LRRC8C: variants seen among roughly 807,000 people sequenced by gnomAD.
LRRC8C encodes leucine rich repeat containing 8 VRAC subunit C.
In LRRC8C, 20 loss-of-function variants were observed where a neutral mutation model predicts 55.3. The ratio of observed to expected loss-of-function variants is 0.36; its 90% CI spans 0.25 to 0.53. The LOEUF (loss-of-function observed/expected upper bound fraction) is 0.53. Ranked by LOEUF, LRRC8C falls within the 20% of genes least tolerant of loss-of-function variation. The probability of loss-of-function intolerance (pLI) is 0.92; values close to 1 mark genes in which losing one functional copy is unlikely to be tolerated. For synonymous variants in LRRC8C, 376 were observed against 360.7 expected, an observed-to-expected ratio of 1.04 and a Z score of -0.48; for missense variants, 659 against 951.4, an observed-to-expected ratio of 0.69 and a Z score of 4.04.
intron 1 of LRRC8C, among the ~76,000 whole-genome samples, chr1:89,638,417 C>G (rs1228766936): frequency 6.6e-6 from 1 of 151,978 alleles, no homozygotes; most frequent in Non-Finnish European, 1.5e-5. Context: ...GATCACAAAC[C>G]ATTATTTAAG....
At chr1:89,674,672 A>G (rs551010445) in intron 1 of LRRC8C, among the ~76,000 whole-genome samples, 174 of 152,282 alleles carry the variant, frequency 1.1e-3, no homozygotes, top group Non-Finnish European at 2.2e-3. Context: ...ATCCAACAGG[A>G]AAGACCAATC....
chr1:89,647,974 C>T (rs61798867), intron 1 of LRRC8C, among the ~76,000 whole-genome samples: 2,422 of 152,132 alleles, frequency 0.016, 28 homozygotes, highest in Non-Finnish European at 0.025. Context: ...GAGGCTGAGG[C>T]GGGAGGATGG....
chr1:89,684,724 G>A (rs1220871463), intron 1 of LRRC8C, among the ~76,000 whole-genome samples: 1 of 152,210 alleles, frequency 6.6e-6, no homozygotes, highest in African/African-American at 2.4e-5. Context: ...AATATACAAA[G>A]TAATGTATTG....
intron 2 of LRRC8C, among the ~76,000 whole-genome samples, chr1:89,699,751 AT>A (rs1658268664): frequency 6.6e-6 from 1 of 152,188 alleles, no homozygotes; most frequent in African/African-American, 2.4e-5. Flanking sequence ...AAATATGCTT[AT>A]AGTCAACATA....
At chr1:89,627,940 T>C in the LRRC8C span, among the ~76,000 whole-genome samples, 2 of 152,218 alleles carry the variant, frequency 1.3e-5, no homozygotes, top group African/African-American at 4.8e-5. Flanking sequence ...TTTTAGACTT[T>C]TGAATTTGGT....
chr1:89,660,869 G>A (rs1181304677), intron 1 of LRRC8C, among the ~76,000 whole-genome samples: 1 of 152,156 alleles, frequency 6.6e-6, no homozygotes, highest in Non-Finnish European at 1.5e-5. Context: ...TTAACAATGG[G>A]TTGTTTCTTC....
intron 1 of LRRC8C, among the ~76,000 whole-genome samples, chr1:89,655,481 A>G (rs1159103074): frequency 6.6e-6 from 1 of 152,178 alleles, no homozygotes; most frequent in Non-Finnish European, 1.5e-5. Context: ...GTGTCTTCAA[A>G]TGTCTTAGTT....
chr1:89,627,829 C>T, the LRRC8C span, among the ~76,000 whole-genome samples: 1 of 152,148 alleles, frequency 6.6e-6, no homozygotes, highest in Admixed American at 6.5e-5. Context: ...ATAAATGAGA[C>T]AATGCATATA....
At chr1:89,677,142 T>C (rs1458064346) in intron 1 of LRRC8C, among the ~76,000 whole-genome samples, 1 of 152,208 alleles carries the variant, frequency 6.6e-6, no homozygotes, top group Non-Finnish European at 1.5e-5. Flanking sequence ...ATATCGTCAT[T>C]GTTTGAGAGA....
intron 1 of LRRC8C, among the ~76,000 whole-genome samples, chr1:89,671,492 C>A (rs1570712474): frequency 6.6e-6 from 1 of 152,188 alleles, no homozygotes; most frequent in East Asian, 1.9e-4. Context: ...GGCTGACACA[C>A]ATTTGGATAA....
chr1:89,617,430 C>T, the LRRC8C span, among the ~76,000 whole-genome samples: 225 of 152,304 alleles, frequency 1.5e-3, 2 homozygotes, highest in African/African-American at 5.1e-3. Context: ...TAGCATGAGG[C>T]TATCCTAACA....
chr1:89,641,243 T>G (rs187005148), intron 1 of LRRC8C, among the ~76,000 whole-genome samples: 2 of 152,340 alleles, frequency 1.3e-5, no homozygotes, highest in Non-Finnish European at 1.5e-5. Context: ...GTGTTAAAAT[T>G]TTATTTGTCT....
chr1:89,633,873 G>C (rs1219638102), intron 1 of LRRC8C, among the ~76,000 whole-genome samples: 1 of 152,164 alleles, frequency 6.6e-6, no homozygotes, highest in Non-Finnish European at 1.5e-5. Context: ...CAGCTTGATC[G>C]GGCGGGCCCC....
rs561657603 is a variant in LRRC8C, at chr1:89,642,663, G to T, written c.-5+9341G>T. On this transcript the variant is annotated intron_variant, in intron 1 of 2. Transcript: ENST00000370454. ...AGGAGTTCAAGACCAGCCTGCCCAA[G>T]ATAGTGAAACTCCATCTCTACTAAA... Among the ~76,000 whole-genome samples the T allele has an allele frequency of 7.9e-5, 12 of 152,180 alleles. No individual in the cohort carries two copies. In the East Asian group the frequency reaches 2.1e-3, roughly 27 times the overall value.
intron 2 of LRRC8C, among the ~76,000 whole-genome samples, chr1:89,709,677 T>A (rs1175633392): frequency 6.6e-6 from 1 of 152,138 alleles, no homozygotes; most frequent in East Asian, 1.9e-4. Context: ...TTTTACCTTC[T>A]ATTTAATCTT....
intron 2 of LRRC8C, among the ~76,000 whole-genome samples, chr1:89,703,503 A>C (rs991596351): frequency 2.0e-5 from 3 of 151,872 alleles, no homozygotes; most frequent in Non-Finnish European, 4.4e-5. Flanking sequence ...CTAGTGACTC[A>C]TAATTTAATA....
intron 1 of LRRC8C, among the ~76,000 whole-genome samples, chr1:89,667,300 A>T (rs1205681436): frequency 6.6e-6 from 1 of 151,990 alleles, no homozygotes; most frequent in Non-Finnish European, 1.5e-5. Flanking sequence ...GAGCCCCTCC[A>T]CTTGGGTGTC....
intron 2 of LRRC8C, among the ~76,000 whole-genome samples, chr1:89,689,906 A>G (rs1243336929): frequency 6.6e-6 from 1 of 152,136 alleles, no homozygotes; most frequent in Non-Finnish European, 1.5e-5. Context: ...GCACCATTGC[A>G]CTGCAGCCTG....
chr1:89,643,017 C>CAAAA (rs34145647), intron 1 of LRRC8C, among the ~76,000 whole-genome samples: 1 of 109,508 alleles, frequency 9.1e-6, no homozygotes, highest in African/African-American at 3.3e-5. Flanking sequence ...GACTGTGTCT[C>CAAAA]AAAAAAAAAA....
Sources: gnomAD v4.1 joint callset for allele counts (sites outside exome capture counted in the v4.1 genomes callset) on GRCh38, gnomAD v4.1.1 for gene constraint, MANE v1.5 for transcripts, NCBI Gene and HGNC (gene_info 2026-07-23, HGNC 2026-07-21) for gene names.